Variants in SYT16 observed in about 807,000 individuals in gnomAD.
The protein encoded by SYT16 is synaptotagmin-16.
A neutral mutation model predicts 61.4 loss-of-function variants in SYT16; 42 were observed. That is an observed-to-expected ratio of 0.68 (90% CI 0.53 to 0.89). SYT16 has a LOEUF of 0.89. SYT16 is among the 40% of genes least tolerant of loss of function. SYT16 has a pLI of 0.00. For missense variants in SYT16, 804 were observed against 807.3 expected, an observed-to-expected ratio of 1.00 and a Z score of 0.05; for synonymous variants, 314 against 302.3, an observed-to-expected ratio of 1.04 and a Z score of -0.40.
At chr14:61,952,884 C>T (rs1162629666) in intron 1 of SYT16, among the ~76,000 whole-genome samples, 2 of 152,126 alleles carry the variant, frequency 1.3e-5, no homozygotes, top group Non-Finnish European at 1.5e-5. Context: ...AGTGGAATCA[C>T]CCATTTTCCT....
intron 3 of SYT16, among the ~76,000 whole-genome samples, chr14:62,023,198 A>G (rs2053976966): frequency 6.6e-6 from 1 of 152,070 alleles, no homozygotes; most frequent in African/African-American, 2.4e-5. Flanking sequence ...CCAGTGGATT[A>G]CCTTGACACT....
intron 1 of SYT16, among the ~76,000 whole-genome samples, chr14:61,935,609 G>C (rs1248516750): frequency 6.6e-6 from 1 of 152,318 alleles, no homozygotes; most frequent in African/African-American, 2.4e-5. Context: ...AACGGACCAA[G>C]CACAGAGTCG....
At chr14:61,894,659 G>A (rs1043518985) in intron 1 of SYT16, among the ~76,000 whole-genome samples, 2 of 152,126 alleles carry the variant, frequency 1.3e-5, no homozygotes, top group Non-Finnish European at 2.9e-5. Context: ...CAAGTGTGCC[G>A]CTAGGTGGCG....
At chr14:62,058,489 G>A (rs1326154404) in intron 3 of SYT16, among the ~76,000 whole-genome samples, 1 of 151,818 alleles carries the variant, frequency 6.6e-6, no homozygotes, top group Non-Finnish European at 1.5e-5. Flanking sequence ...TCGGCCTCCT[G>A]AGTAGCTGGG....
chr14:61,911,126 C>T (rs926958749), intron 1 of SYT16, among the ~76,000 whole-genome samples: 2 of 152,124 alleles, frequency 1.3e-5, no homozygotes, highest in East Asian at 1.9e-4. Context: ...ATTTGTAAGG[C>T]GTTTCCTCTG....
chr14:61,985,610 G>C (rs74493841), intron 2 of SYT16, among the ~76,000 whole-genome samples: 6,580 of 152,176 alleles, frequency 0.043, 235 homozygotes, highest in Middle Eastern at 0.078. Context: ...GGGAAATAGA[G>C]ATCCTTTTAA....
intron 3 of SYT16, among the ~76,000 whole-genome samples, chr14:62,013,947 G>A (rs984657207): frequency 1.3e-5 from 2 of 150,606 alleles, no homozygotes; most frequent in African/African-American, 4.9e-5. Flanking sequence ...CTGCGCAACA[G>A]AGCGAGATTC....
At chr14:61,821,126 C>T (rs915380600) in intron 1 of SYT16, among the ~76,000 whole-genome samples, 22 of 152,048 alleles carry the variant, frequency 1.4e-4, no homozygotes, top group East Asian at 1.2e-3. Flanking sequence ...AGCCCTCAGC[C>T]GCTGGGCTGC....
chr14:62,095,625 A>G (rs1382321467), intron 7 of SYT16, among the ~76,000 whole-genome samples: 2 of 151,978 alleles, frequency 1.3e-5, no homozygotes, highest in South Asian at 2.1e-4. Flanking sequence ...ACACATATCT[A>G]TATATACTAT....
chr14:62,031,201 C>T (rs1436887503), intron 3 of SYT16, among the ~76,000 whole-genome samples: 1 of 152,144 alleles, frequency 6.6e-6, no homozygotes, highest in Non-Finnish European at 1.5e-5. Flanking sequence ...AAATACAAGC[C>T]TCCTCCCTAT....
chr14:61,978,706 A>T (rs2051926934), intron 2 of SYT16, among the ~76,000 whole-genome samples: 1 of 152,160 alleles, frequency 6.6e-6, no homozygotes, highest in South Asian at 2.1e-4. Flanking sequence ...TTAACACTGG[A>T]CCAGTGCCCC....
intron 5 of SYT16, among the ~76,000 whole-genome samples, chr14:62,078,054 G>A (rs992814608): frequency 1.3e-5 from 2 of 151,946 alleles, no homozygotes; most frequent in African/African-American, 2.4e-5. Flanking sequence ...ACCACAGAGA[G>A]TGTGATTCCA....
At chr14:61,970,367 A>C (rs2051494827) in intron 2 of SYT16, 56 bp downstream of exon 2, 1 of 152,244 alleles carries the variant, frequency 6.6e-6, no homozygotes, top group South Asian at 2.1e-4. Context: ...GGTCTGGGTC[A>C]GGGTGGACAT....
chr14:61,880,018 C>G (rs76019975), intron 1 of SYT16, among the ~76,000 whole-genome samples: 1 of 152,182 alleles, frequency 6.6e-6, no homozygotes, highest in East Asian at 1.9e-4. Flanking sequence ...TGCCTATCAT[C>G]GAATCCAGCA....
At chr14:62,056,963 A>T (rs2140906388) in intron 3 of SYT16, among the ~76,000 whole-genome samples, 1 of 152,258 alleles carries the variant, frequency 6.6e-6, no homozygotes, top group Non-Finnish European at 1.5e-5. Flanking sequence ...GAGGCATGAA[A>T]GTCAGACGTG....
intron 2 of SYT16, among the ~76,000 whole-genome samples, chr14:61,977,242 C>A (rs1177152097): frequency 6.6e-6 from 1 of 152,198 alleles, no homozygotes; most frequent in East Asian, 1.9e-4. Context: ...GCCTGTTACC[C>A]AGTTCCAAAG....
chr14:61,871,137 C>T (rs879118180), intron 1 of SYT16, among the ~76,000 whole-genome samples: 8 of 152,226 alleles, frequency 5.3e-5, no homozygotes, highest in Admixed American at 3.3e-4. Flanking sequence ...ATAAATCATC[C>T]GATAATCTAC....
rs774587398 is a variant in SYT16 at position 62,081,105 on chromosome 14, A to G, written c.1265A>G (p.Lys422Arg). ...TTCAGGGAGAAGGTCACCTTTGCCA[A>G]GCTGGAGCCCAGAGATGTGGCTGCC... The part of the protein sequence containing the change: ...PVFREKVTFA[K>R]LEPRDVAACA... The change falls in exon 6 of 8, where the codon AAG becomes AGG. Residue 422 changes from lysine (K) to arginine (R), a missense_variant. Physicochemically the swap from Lys to Arg is conservative, Grantham distance 26 (BLOSUM62 2). Coordinates refer to ENST00000683842, the MANE Select transcript of SYT16 (RefSeq NM_001367656.1). 3.1e-6 allele frequency: 5 copies of G among 1,613,944 alleles called. No individual in the cohort carries two copies. The South Asian group carries it at 5.5e-5, about 18-fold the overall frequency.
rs142730822 is a variant in SYT16 at position 61,993,033 on chromosome 14, G to A, written c.-144-2843G>A. On this transcript the variant is annotated intron_variant, in intron 2 of 7. Coordinates refer to ENST00000683842, the MANE Select transcript of SYT16 (RefSeq NM_001367656.1). The stretch of plus-strand genomic sequence containing the variant: ...GTAAAAAATGAATTTTTTCATTTTC[G>A]TTTTGATGAACAGAGATTATAGAAA... Among the ~76,000 whole-genome samples, 82 of 150,688 alleles carry A rather than the reference G, an allele frequency of 5.4e-4. 1 individual carries two copies. In the East Asian group the frequency reaches 8.2e-3, roughly 15 times the overall value.
Sources: gnomAD v4.1 joint callset for allele counts (sites outside exome capture counted in the v4.1 genomes callset) on GRCh38, gnomAD v4.1.1 for gene constraint, MANE v1.5 for transcripts, NCBI Gene and HGNC (gene_info 2026-07-23, HGNC 2026-07-21) for gene names.